LATS2: variants seen among roughly 807,000 people sequenced by gnomAD.
The protein encoded by LATS2 is serine/threonine-protein kinase LATS2.
In LATS2, 24 loss-of-function variants were observed where a neutral mutation model predicts 76.0. The observed-to-expected ratio is 0.32, with a 90% CI of 0.23 to 0.44. The LOEUF (loss-of-function observed/expected upper bound fraction) is 0.44, where lower values mean the gene tolerates loss of function less well. LATS2 is among the 20% of genes least tolerant of loss of function. LATS2 has a pLI of 1.00. For missense variants in LATS2, 1,286 were observed against 1,481.2 expected (o/e 0.87, Z 2.16); for synonymous variants, 692 against 635.4 (o/e 1.09, Z -1.34).
At chr13:21,059,457 C>T (rs1373507320) in intron 1 of LATS2, among the ~76,000 whole-genome samples, 2 of 151,944 alleles carry the variant, frequency 1.3e-5, no homozygotes, top group Non-Finnish European at 2.9e-5. Flanking sequence ...ATTAGCCGGG[C>T]GTGGTGGCAC....
intron 7 of LATS2, among the ~76,000 whole-genome samples, chr13:20,975,576 C>T (rs1869579789): frequency 6.6e-6 from 1 of 152,218 alleles, no homozygotes; most frequent in African/African-American, 2.4e-5. Flanking sequence ...GATGACCAGT[C>T]AAATACAGAC....
intron 4 of LATS2, among the ~76,000 whole-genome samples, chr13:20,987,432 C>T (rs1376036457): frequency 6.6e-6 from 1 of 152,116 alleles, no homozygotes; most frequent in African/African-American, 2.4e-5. Context: ...TAGTTACTAA[C>T]TAAACACTTA....
intron 2 of LATS2, among the ~76,000 whole-genome samples, chr13:21,031,311 T>C (rs539575390): frequency 2.6e-5 from 4 of 152,328 alleles, no homozygotes; most frequent in African/African-American, 9.6e-5. Flanking sequence ...TTTCTATTCT[T>C]GGATTTCAAT....
chr13:21,045,890 G>A lies in LATS2; in HGVS notation c.137C>T (p.Ser46Phe), dbSNP rs763662441. The change falls in exon 2 of 8, where the codon TCC (serine) becomes TTC (phenylalanine). Residue 46 changes from serine to phenylalanine, a missense_variant. Physicochemically the swap from Ser to Phe is radical, Grantham distance 155 (BLOSUM62 -2). Around this residue, in one of 5 missense-constraint regions of LATS2, gnomAD observed 101 missense variants for 141.4 expected, o/e 0.71. Coordinates refer to ENST00000382592, the MANE Select transcript of LATS2 (RefSeq NM_014572.3). Reference protein sequence around the residue: ...GLPAGPNSDTSLDAKVLGSKD... With the variant: ...GLPAGPNSDTFLDAKVLGSKD... Reference sequence around the variant, plus strand: ...GCTCCCCAGGACTTTGGCATCCAGGGAAGTGTCACTGTTTGGTCCTGCGGG... The same window carrying A: ...GCTCCCCAGGACTTTGGCATCCAGGAAAGTGTCACTGTTTGGTCCTGCGGG... 3.7e-6 allele frequency: 6 copies of A among 1,614,212 alleles called. No homozygotes were observed. The highest frequency in any genetic ancestry group is 1.7e-5 in the Admixed American group (1 of 60,034).
Position 20,973,740 on chromosome 13 carries a change from C to G in LATS2, c.*1130G>C. 1 of 229,768 alleles carries G rather than the reference C, an allele frequency of 4.4e-6. No homozygotes were observed. Among genetic ancestry groups the G allele is most frequent in the Non-Finnish European group, 8.6e-6 (1 of 115,836 alleles). 14.2% of individuals were successfully genotyped at this position (229,768 alleles called of 1,614,324 possible). ...AGATCACTCAGTTTCCTGACAGTAA[C>G]AGAAGAAAACAGGACTAAGAACATT... On this transcript the variant is annotated 3_prime_UTR_variant, in exon 8 of 8. Transcript: ENST00000382592.
In LATS2 at chr13:21,046,082, T is replaced by C; in HGVS notation, c.-56A>G. ...CAATCTTCTTAAAGTGTTTTATTAT[T>C]TAAAAAAAAAAACTGTCAATAGTAT... is the stretch of plus-strand genomic sequence containing the variant. On this transcript the variant is annotated 5_prime_UTR_variant, in exon 2 of 8. Transcript: ENST00000382592. The C allele has an allele frequency of 8.1e-7, 1 of 1,235,194 alleles. No homozygotes were observed. The highest frequency in any genetic ancestry group is 1.1e-6 in the Non-Finnish European group (1 of 888,166). The allele number at this position is 1,235,194 out of a possible 1,614,324, so 76.5% of individuals were successfully genotyped here.
intron 2 of LATS2, among the ~76,000 whole-genome samples, chr13:21,004,387 T>C (rs1199800350): frequency 6.6e-6 from 1 of 151,366 alleles, no homozygotes; most frequent in Non-Finnish European, 1.5e-5. Context: ...TGAGCTGAGA[T>C]TGCGCCATTG....
intron 2 of LATS2, among the ~76,000 whole-genome samples, chr13:21,012,200 A>G (rs1871616874): frequency 6.6e-6 from 1 of 152,216 alleles, no homozygotes; most frequent in African/African-American, 2.4e-5. Context: ...ATATCATATA[A>G]AAGATTAAAA....
intron 2 of LATS2, among the ~76,000 whole-genome samples, chr13:21,000,603 A>G (rs1870999873): frequency 6.6e-6 from 1 of 152,340 alleles, no homozygotes; most frequent in African/African-American, 2.4e-5. Flanking sequence ...TAGGTATAAT[A>G]TATCAGCCCC....
intron 1 of LATS2, among the ~76,000 whole-genome samples, chr13:21,052,965 G>A (rs575690561): frequency 8.7e-4 from 133 of 152,140 alleles, no homozygotes; most frequent in Non-Finnish European, 1.5e-3. Flanking sequence ...GGCCGGGCAC[G>A]GTGGCTCACG....
At chr13:20,995,531 C>A (rs939180299) in intron 2 of LATS2, among the ~76,000 whole-genome samples, 1 of 152,174 alleles carries the variant, frequency 6.6e-6, no homozygotes, top group African/African-American at 2.4e-5. Flanking sequence ...CAGCAGATAT[C>A]TGTTCAATGA....
rs145737186 is a variant in LATS2 at position 21,030,371 on chromosome 13, C to T, written c.342+15314G>A. The stretch of plus-strand genomic sequence containing the variant: ...TTGGGAGGCCGACACGGGTGGATCA[C>T]GAGGTCAGGAGATCGAGACCATCCT... On this transcript the variant is annotated intron_variant, in intron 2 of 7. Transcript: ENST00000382592. 5.2e-3 allele frequency among the ~76,000 whole-genome samples: 782 copies of T among 151,618 alleles called. 8 individuals are homozygous for T. The highest frequency in any genetic ancestry group is 0.018 in the African/African-American group (736 of 41,362).
At chr13:21,010,559 A>G (rs1412019741) in intron 2 of LATS2, among the ~76,000 whole-genome samples, 1 of 152,248 alleles carries the variant, frequency 6.6e-6, no homozygotes, top group Non-Finnish European at 1.5e-5. Context: ...AGTGCAAATA[A>G]CATGACTGTG....
At chr13:20,993,885 T>A (rs1870622406) in intron 2 of LATS2, among the ~76,000 whole-genome samples, 1 of 152,158 alleles carries the variant, frequency 6.6e-6, no homozygotes, top group Non-Finnish European at 1.5e-5. Context: ...ATTAAAAAAA[T>A]GTGCCAATTG....
At chr13:20,981,440 G>A (rs1259965951) in intron 6 of LATS2, 26 bp downstream of exon 6, 8 of 1,598,572 alleles carry the variant, frequency 5.0e-6, no homozygotes, top group East Asian at 2.2e-5. Context: ...GACCTCCTGC[G>A]GGGTGGCTGG....
At chr13:20,977,609 AAAT>A (rs1156627884) in intron 7 of LATS2, among the ~76,000 whole-genome samples, 3 of 146,922 alleles carry the variant, frequency 2.0e-5, no homozygotes, top group Admixed American at 7.0e-5. Flanking sequence ...TAAATAATTA[AAAT>A]AATTATTAAA....
chr13:21,044,432 T>C (rs571346491), intron 2 of LATS2, among the ~76,000 whole-genome samples: 6 of 152,200 alleles, frequency 3.9e-5, no homozygotes, highest in Non-Finnish European at 8.8e-5. Context: ...TCTTACTACT[T>C]TTCCAAGGTA....
rs1222797063 is a variant in LATS2, at chr13:20,973,213, CACG to C, written c.*1654_*1656del. On this transcript the variant is annotated 3_prime_UTR_variant, in exon 8 of 8. Coordinates refer to ENST00000382592, the MANE Select transcript of LATS2 (RefSeq NM_014572.3). ...ATAAAATAGCGAGAATACTGACAGT[CACG>C]ACGACAGGCACAGCAGACTTGAGTA... 4.3e-5 allele frequency: 10 copies of C among 232,524 alleles called. No individual in the cohort carries two copies. Among genetic ancestry groups the C allele is most frequent in the African/African-American group, 6.6e-5 (3 of 45,274 alleles). 14.4% of individuals were successfully genotyped at this position (232,524 alleles called of 1,614,324 possible).
chr13:20,992,775 G>A lies in LATS2; in HGVS notation c.343-1371C>T, dbSNP rs370015346. Among the ~76,000 whole-genome samples, 176 of 152,204 alleles carry A rather than the reference G, an allele frequency of 1.2e-3. 2 individuals are homozygous for A. The South Asian group carries it at 0.025, about 22-fold the overall frequency. ...GAGATGGCTGGGCGTGGTGGCTCAC[G>A]CCTGTAATCCCAGCACTTTGGGAGG... is the stretch of plus-strand genomic sequence containing the variant. On this transcript the variant is annotated intron_variant, in intron 2 of 7. Coordinates refer to ENST00000382592, the MANE Select transcript of LATS2 (RefSeq NM_014572.3).
Sources: gnomAD v4.1 joint callset for allele counts (sites outside exome capture counted in the v4.1 genomes callset) on GRCh38, gnomAD v4.1.1 for gene constraint, gnomAD v4.1.1 regional missense constraint, MANE v1.5 for transcripts, NCBI Gene and HGNC (gene_info 2026-07-23, HGNC 2026-07-21) for gene names.